Variants in FBXW8 observed in about 807,000 individuals in gnomAD.
FBXW8 encodes the protein F-box and WD repeat domain containing 8.
A neutral mutation model predicts 65.3 loss-of-function variants in FBXW8; 57 were observed. That is an observed-to-expected ratio of 0.87 (90% CI 0.71 to 1.09). FBXW8 has a LOEUF of 1.09. Among genes scored for constraint, FBXW8 ranks in the 50% least tolerant of loss-of-function variants. The pLI is 0.00. For synonymous variants in FBXW8, 308 were observed against 330.2 expected, an observed-to-expected ratio of 0.93 and a Z score of 0.73; for missense variants, 777 against 814.8, an observed-to-expected ratio of 0.95 and a Z score of 0.57.
chr12:116,924,463 T>C (rs1453744043), intron 1 of FBXW8, among the ~76,000 whole-genome samples: 2 of 152,248 alleles, frequency 1.3e-5, no homozygotes, highest in African/African-American at 4.8e-5. Context: ...TTTGAAAATA[T>C]ACAATAAATT....
chr12:116,985,124 C>G (rs1885573483), intron 5 of FBXW8, 82 bp from the exon 6 acceptor site: 6 of 1,288,120 alleles, frequency 4.7e-6, no homozygotes, highest in Non-Finnish European at 6.3e-6. Flanking sequence ...AAAAAATTTT[C>G]CTTTGTGTTG....
intron 2 of FBXW8, among the ~76,000 whole-genome samples, chr12:116,939,492 A>G (rs1034640979): frequency 5.3e-5 from 8 of 152,332 alleles, no homozygotes; most frequent in South Asian, 2.1e-4. Flanking sequence ...TTTCTAAGGA[A>G]CTTATTAACA....
chr12:116,935,124 GAT>G (rs1232429903), intron 2 of FBXW8, among the ~76,000 whole-genome samples: 2 of 152,128 alleles, frequency 1.3e-5, no homozygotes, highest in African/African-American at 4.8e-5. Context: ...TCAAGTAAAA[GAT>G]AGAAAAACGT....
rs71099022 is a variant in FBXW8, at chr12:116,942,770, A to ATTTTTT, written c.424-2574_424-2569dup. Among the ~76,000 whole-genome samples, 46 of 64,382 alleles carry ATTTTTT rather than the reference A, an allele frequency of 7.1e-4. 3 individuals are homozygous for ATTTTTT. Among genetic ancestry groups the ATTTTTT allele is most frequent in the African/African-American group, 2.6e-3 (41 of 15,788 alleles). 42.2% of individuals were successfully genotyped at this position (64,382 alleles called of 152,430 possible). Reference sequence around the variant, plus strand: ...TGTACTTTTTAACTCCAGAGCTTCTATTTTTTTTTTTTTTTTTTTTTTTTT... The same window carrying ATTTTTT: ...TGTACTTTTTAACTCCAGAGCTTCTATTTTTTTTTTTTTTTTTTTTTTTTTTTTTTT... On this transcript the variant is annotated intron_variant, in intron 2 of 10. Transcript: ENST00000652555.
At chr12:116,982,015 G>C (rs912198905) in intron 5 of FBXW8, among the ~76,000 whole-genome samples, 5 of 152,046 alleles carry the variant, frequency 3.3e-5, no homozygotes, top group African/African-American at 1.2e-4. Context: ...AAATAACAAA[G>C]AGTTTTGGCT....
chr12:116,918,015 A>G (rs543314171), intron 1 of FBXW8, among the ~76,000 whole-genome samples: 31 of 151,944 alleles, frequency 2.0e-4, no homozygotes, highest in Non-Finnish European at 4.3e-4. Flanking sequence ...CAAAAAAAAA[A>G]CAACGCAGGA....
In FBXW8 at chr12:117,024,143, C is replaced by T; in HGVS notation, c.1368-4C>T. The stretch of plus-strand genomic sequence containing the variant: ...CCTTCTCTGCTCTTCCTGGGCCTGT[C>T]CAGGGTGAGGATCCACGACCTCCGC... On this transcript the variant is annotated splice_polypyrimidine_tract_variant and splice_region_variant and intron_variant, in intron 8 of 10. Transcript: ENST00000652555. 1 of 1,612,982 alleles carries T rather than the reference C, an allele frequency of 6.2e-7. No individual in the cohort carries two copies. Among genetic ancestry groups the T allele is most frequent in the African/African-American group, 1.3e-5 (1 of 75,016 alleles).
chr12:116,975,013 G>A (rs1226697040), intron 5 of FBXW8, among the ~76,000 whole-genome samples: 1 of 152,148 alleles, frequency 6.6e-6, no homozygotes, highest in Non-Finnish European at 1.5e-5. Context: ...GATAGTGATG[G>A]ACTATAACCT....
At chr12:117,022,357 A>T (rs566370538) in intron 8 of FBXW8, among the ~76,000 whole-genome samples, 6,957 of 145,894 alleles carry the variant, frequency 0.048, 381 homozygotes, top group African/African-American at 0.14. Context: ...GAAACTATTA[A>T]AAAAAAAAAA....
chr12:116,966,386 A>G (rs1884327324), intron 5 of FBXW8, among the ~76,000 whole-genome samples: 1 of 152,214 alleles, frequency 6.6e-6, no homozygotes, highest in East Asian at 1.9e-4. Context: ...ACGAACATGC[A>G]CACACATATT....
rs144111970 is a variant in FBXW8, at chr12:116,936,464, G to A, written c.423+8337G>A. Among the ~76,000 whole-genome samples, 11 of 152,262 alleles carry A rather than the reference G, an allele frequency of 7.2e-5. No individual in the cohort carries two copies. The highest frequency in any genetic ancestry group is 2.4e-4 in the African/African-American group (10 of 41,556). ...GATCTAGAGATGGGGTGATTATCTT[G>A]GATTATACAGGTGGGTCCAGTGCAT... On this transcript the variant is annotated intron_variant, in intron 2 of 10. Transcript: ENST00000652555. This position sits in a 1 kb window ranked among gnomAD's most constrained non-coding sequence, Gnocchi z 4.6.
At chr12:116,919,684 A>G (rs984436076) in intron 1 of FBXW8, among the ~76,000 whole-genome samples, 1 of 152,040 alleles carries the variant, frequency 6.6e-6, no homozygotes, top group Non-Finnish European at 1.5e-5. Flanking sequence ...GGCCCTATCT[A>G]TGTTTGTTGA....
In FBXW8 at chr12:116,911,272, G is replaced by C; in HGVS notation, c.235G>C (p.Val79Leu). The C allele has an allele frequency of 8.0e-7, 1 of 1,256,932 alleles. No individual in the cohort carries two copies. The highest frequency in any genetic ancestry group is 4.2e-5 in the Admixed American group (1 of 23,766). 77.9% of individuals were successfully genotyped at this position (1,256,932 alleles called of 1,614,324 possible). Residue 79 changes from valine to leucine, a missense_variant, in exon 1 of 11, where the codon GTA becomes CTA. Coordinates refer to ENST00000652555, the MANE Select transcript of FBXW8 (RefSeq NM_153348.3). ...ARATRAEGQD[V>L]ASRSRSPLAR... is the part of the protein sequence containing the mutation. ...GGCGACTCGGGCCGAGGGGCAGGAC[G>C]TAGCGAGCCGCTCACGTTCTCCTCT...
rs148574295 is a variant in FBXW8 at position 117,028,086 on chromosome 12, C to G, written c.1711C>G (p.Pro571Ala). 6.2e-7 allele frequency: 1 copy of G among 1,614,010 alleles called. No homozygotes were observed. The highest frequency in any genetic ancestry group is 1.7e-5 in the Admixed American group (1 of 60,016). ...GGTGGACCAGCTGGCCTTCCAGAGCCCTCTCCCTGTCTGCCGTTCATCCTG... is the reference window on the plus strand; with the variant it reads ...GGTGGACCAGCTGGCCTTCCAGAGCGCTCTCCCTGTCTGCCGTTCATCCTG... ...FAVDQLAFQS[P>A]LPVCRSSCDA... Residue 571 changes from proline (P) to alanine (A), a missense_variant, in exon 11 of 11, where the codon CCT becomes GCT. Transcript: ENST00000652555. The surrounding 1 kb of genome is among the most constrained non-coding windows in gnomAD (Gnocchi z 4.1).
intron 4 of FBXW8, among the ~76,000 whole-genome samples, chr12:116,951,637 A>G (rs1336904570): frequency 1.3e-5 from 2 of 152,180 alleles, no homozygotes; most frequent in Non-Finnish European, 2.9e-5. Flanking sequence ...CCTATTAAGT[A>G]CATTTCACAT....
intron 3 of FBXW8, 144 bp from the exon 4 acceptor site, chr12:116,949,474 T>G (rs1012361961): frequency 1.1e-5 from 8 of 698,060 alleles, no homozygotes; most frequent in Non-Finnish European, 1.0e-5. Context: ...CATCTTTGTC[T>G]TTTTGAATGC....
intron 1 of FBXW8, among the ~76,000 whole-genome samples, chr12:116,915,966 C>T (rs1230828437): frequency 6.6e-6 from 1 of 152,068 alleles, no homozygotes; most frequent in African/African-American, 2.4e-5. Context: ...TGACTTCTAA[C>T]ACCACATTTA....
chr12:116,988,216 A>G (rs781089337), intron 6 of FBXW8, among the ~76,000 whole-genome samples: 2 of 152,202 alleles, frequency 1.3e-5, no homozygotes, highest in African/African-American at 2.4e-5. Context: ...AGTAACTTCT[A>G]GAAGTGGATA....
intron 5 of FBXW8, among the ~76,000 whole-genome samples, chr12:116,972,415 C>CT (rs1884692577): frequency 6.6e-6 from 1 of 152,186 alleles, no homozygotes; most frequent in African/African-American, 2.4e-5. Flanking sequence ...ATTCTGAACC[C>CT]TAGGGCTTGA....
Sources: gnomAD v4.1 joint callset for allele counts (sites outside exome capture counted in the v4.1 genomes callset) on GRCh38, gnomAD v4.1.1 for gene constraint, Gnocchi (gnomAD v3.1) non-coding constraint, MANE v1.5 for transcripts, NCBI Gene and HGNC (gene_info 2026-07-23, HGNC 2026-07-21) for gene names.